Variants in MRPL34 observed in about 807,000 individuals in gnomAD.
MRPL34 encodes the protein large ribosomal subunit protein bL34m.
MRPL34 carries 8 observed loss-of-function variants against 6.7 expected under a neutral mutation model. The ratio of observed to expected loss-of-function variants is 1.20; its 90% CI spans 0.70 to 2.16. The LOEUF is 2.16. Ranked by LOEUF, MRPL34 falls within the 30% of genes most tolerant of loss-of-function variation. The probability of loss-of-function intolerance (pLI) is 0.00; values close to 1 mark genes in which losing one functional copy is unlikely to be tolerated. For synonymous variants in MRPL34, 59 were observed against 55.1 expected, an observed-to-expected ratio of 1.07 and a Z score of -0.31; for missense variants, 146 against 125.5, an observed-to-expected ratio of 1.16 and a Z score of -0.78.
chr19:17,301,767 T>A (rs1280805094), upstream of MRPL34: 2 of 963,478 alleles, frequency 2.1e-6, no homozygotes, highest in African/African-American at 4.1e-5. Flanking sequence ...GGCACTGAGA[T>A]TTTTTTGTTT....
intron 1 of MRPL34, chr19:17,294,944 G>T: frequency 7.0e-7 from 1 of 1,429,658 alleles, no homozygotes; most frequent in South Asian, 1.3e-5. Context: ...GTTTTTGTTT[G>T]AGACAGTTTT....
chr19:17,306,429 C>T lies in MRPL34; in HGVS notation c.*50C>T, dbSNP rs761362721. 6.1e-5 allele frequency: 89 copies of T among 1,470,316 alleles called. No homozygotes were observed. The highest frequency in any genetic ancestry group is 7.8e-5 in the Non-Finnish European group (86 of 1,099,974). 91.1% of individuals were successfully genotyped at this position (1,470,316 alleles called of 1,614,324 possible). On this transcript the variant is annotated 3_prime_UTR_variant, in exon 2 of 2. Coordinates refer to ENST00000252602, the MANE Select transcript of MRPL34 (RefSeq NM_023937.4). Reference sequence around the variant, plus strand: ...CCTCATGGAAGCATCGCCCTCGCCTCGGACCTTGCCTGGCGCTATTTTTGC... The same window carrying T: ...CCTCATGGAAGCATCGCCCTCGCCTTGGACCTTGCCTGGCGCTATTTTTGC...
intron 1 of MRPL34, among the ~76,000 whole-genome samples, chr19:17,293,386 C>T (rs2074079408): frequency 6.7e-6 from 1 of 148,888 alleles, no homozygotes; most frequent in African/African-American, 2.5e-5. Context: ...AGTGAGCCAC[C>T]GCGCCCGGCC....
At chr19:17,301,222 G>A (rs765003550), upstream of MRPL34, 8 of 1,594,160 alleles carry the variant, frequency 5.0e-6, no homozygotes, top group Admixed American at 5.2e-5. Context: ...GCTGCCGGGG[G>A]CCAAGCGGCC....
chr19:17,301,401 G>A (rs1249428776), upstream of MRPL34: 1 of 1,612,002 alleles, frequency 6.2e-7, no homozygotes, highest in Admixed American at 1.7e-5. Flanking sequence ...CCAAGCCGGA[G>A]AGGTCCCCCT....
chr19:17,301,568 G>C, upstream of MRPL34: 2 of 1,596,372 alleles, frequency 1.3e-6, no homozygotes, highest in South Asian at 1.1e-5. Flanking sequence ...GCGTTGGGGG[G>C]CGTGCCCAGC....
At chr19:17,297,414 G>T (rs2074097925) in intron 1 of MRPL34, among the ~76,000 whole-genome samples, 1 of 152,054 alleles carries the variant, frequency 6.6e-6, no homozygotes, top group Non-Finnish European at 1.5e-5. Context: ...TCCTGCCTCA[G>T]CCTCCCAAGT....
upstream of MRPL34, among the ~76,000 whole-genome samples, chr19:17,305,099 C>A (rs2074139392): frequency 6.6e-6 from 1 of 151,992 alleles, no homozygotes; most frequent in Admixed American, 6.6e-5. Flanking sequence ...GAGAGTGTGG[C>A]TGAAATGTAA....
upstream of MRPL34, chr19:17,300,721 G>T (rs564454930): frequency 8.7e-7 from 1 of 1,148,036 alleles, no homozygotes; most frequent in Non-Finnish European, 1.2e-6. Context: ...CAGGTGATCC[G>T]CCTGCCTCGG....
chr19:17,292,893 C>T (rs1329184813), intron 1 of MRPL34: 15 of 1,544,520 alleles, frequency 9.7e-6, no homozygotes, highest in African/African-American at 1.4e-5. Context: ...GCCAGGCTTC[C>T]CTGGGACTCC....
upstream of MRPL34, among the ~76,000 whole-genome samples, chr19:17,299,297 C>T (rs192036872): frequency 9.6e-4 from 141 of 146,430 alleles, no homozygotes; most frequent in Admixed American, 1.5e-3. Context: ...TGCGTTGGCT[C>T]ACGCCTGTAA....
upstream of MRPL34, chr19:17,301,685 G>C: frequency 6.9e-7 from 1 of 1,457,758 alleles, no homozygotes; most frequent in Non-Finnish European, 9.0e-7. Context: ...GCACCGTGCA[G>C]CAGGCACTCC....
At chr19:17,305,718 A>T, upstream of MRPL34, 1 of 700,594 alleles carries the variant, frequency 1.4e-6, no homozygotes, top group Non-Finnish European at 2.5e-6. Flanking sequence ...CCGCGGATAT[A>T]GACTGGCGCG....
intron 1 of MRPL34, chr19:17,294,213 C>A: frequency 6.6e-7 from 1 of 1,518,918 alleles, no homozygotes; most frequent in South Asian, 1.2e-5. Context: ...TACCACGCCC[C>A]CCGCAGAGGC....
upstream of MRPL34, chr19:17,300,809 G>C: frequency 6.5e-7 from 1 of 1,540,336 alleles, no homozygotes; most frequent in African/African-American, 1.4e-5. Flanking sequence ...TGTAGTCCCT[G>C]CTGACCCCAT....
In MRPL34 at chr19:17,306,508, G is replaced by A; in HGVS notation, c.*129G>A. 5.9e-6 allele frequency: 5 copies of A among 847,020 alleles called. No homozygotes were observed. Among genetic ancestry groups the A allele is most frequent in the Non-Finnish European group, 8.8e-6 (5 of 565,352 alleles). 52.5% of individuals were successfully genotyped at this position (847,020 alleles called of 1,614,324 possible). On this transcript the variant is annotated 3_prime_UTR_variant, in exon 2 of 2. Transcript: ENST00000252602. ...ACCTGAGTGCTCTCCATATTGTGGG[G>A]TTGAAGTCTGGATGGGAGCTTGCCA...
upstream of MRPL34, chr19:17,301,302 G>A (rs200372628): frequency 3.1e-5 from 50 of 1,607,268 alleles, no homozygotes; most frequent in East Asian, 1.0e-3. Context: ...CATTCTGCCC[G>A]TGTAGGAGGT....
chr19:17,301,330 C>A, upstream of MRPL34: 1 of 1,608,278 alleles, frequency 6.2e-7, no homozygotes, highest in Non-Finnish European at 8.5e-7. Context: ...AGGGGCTCGG[C>A]CCAGGTTTTC....
intron 1 of MRPL34, among the ~76,000 whole-genome samples, chr19:17,295,564 A>G (rs915976867): frequency 9.9e-5 from 15 of 150,946 alleles, no homozygotes; most frequent in African/African-American, 3.4e-4. Context: ...GCACCACCAC[A>G]CCTGGCTAAT....
Sources: gnomAD v4.1 joint callset for allele counts (sites outside exome capture counted in the v4.1 genomes callset) on GRCh38, gnomAD v4.1.1 for gene constraint, MANE v1.5 for transcripts, NCBI Gene and HGNC (gene_info 2026-07-23, HGNC 2026-07-21) for gene names.